Variants in SFXN5 observed in about 807,000 individuals in gnomAD.
The protein encoded by SFXN5 is sideroflexin-5.
A neutral mutation model predicts 50.2 loss-of-function variants in SFXN5; 43 were observed. The ratio of observed to expected loss-of-function variants is 0.86; its 90% CI spans 0.67 to 1.11. The LOEUF is 1.11. SFXN5 is among the 50% of genes least tolerant of loss of function. The pLI, the probability that SFXN5 is intolerant of heterozygous loss-of-function variation, is 0.00. For synonymous variants in SFXN5, 203 were observed against 185.8 expected (o/e 1.09, Z -0.75); for missense variants, 463 against 454.1 (o/e 1.02, Z -0.18).
At chr2:73,026,703 C>A (rs938821379) in intron 3 of SFXN5, among the ~76,000 whole-genome samples, 3 of 151,894 alleles carry the variant, frequency 2.0e-5, no homozygotes, top group African/African-American at 7.3e-5. Flanking sequence ...TGCCATACTT[C>A]TTATTATTTT....
At position 72,998,067 on chromosome 2, in the gene SFXN5, ATGT is replaced by A. The variant is rs1440236285; in HGVS notation, c.534+879_534+881del. The A allele has an allele frequency of 5.3e-5, 8 of 152,304 alleles. No individual in the cohort carries two copies. The East Asian group carries it at 1.5e-3, about 29-fold the overall frequency. 9.4% of individuals were successfully genotyped at this position (152,304 alleles called of 1,614,324 possible). On this transcript the variant is annotated intron_variant, in intron 9 of 13. Coordinates refer to ENST00000272433, the MANE Select transcript of SFXN5 (RefSeq NM_144579.3). ...TGCCCCACTGTGCTCAGCTATGTGA[ATGT>A]TGTTTGGTTTTCATTTTCTAATTTT... is the stretch of plus-strand genomic sequence containing the variant.
intron 12 of SFXN5, among the ~76,000 whole-genome samples, chr2:72,967,612 T>A (rs1401504267): frequency 6.6e-6 from 1 of 152,164 alleles, no homozygotes; most frequent in Non-Finnish European, 1.5e-5. Flanking sequence ...GAACCCCAGA[T>A]GGAGTAACCC....
At chr2:72,987,378 G>T (rs527830315) in intron 10 of SFXN5, among the ~76,000 whole-genome samples, 1 of 151,986 alleles carries the variant, frequency 6.6e-6, no homozygotes, top group Non-Finnish European at 1.5e-5. Flanking sequence ...AAAGTGCTGG[G>T]ATTACAGGCA....
intron 9 of SFXN5, chr2:72,996,876 A>G (rs1371533436): frequency 2.0e-5 from 3 of 152,218 alleles, no homozygotes; most frequent in Admixed American, 2.0e-4. Context: ...AGTCTCAAAA[A>G]AAGGAAGGGG....
intron 6 of SFXN5, among the ~76,000 whole-genome samples, chr2:73,003,531 C>A (rs1280223336): frequency 6.6e-6 from 1 of 152,146 alleles, no homozygotes. Context: ...TGTGCATGTG[C>A]CTTGCAGACA....
At chr2:73,011,603 G>C (rs552771180) in intron 6 of SFXN5, among the ~76,000 whole-genome samples, 1 of 152,278 alleles carries the variant, frequency 6.6e-6, no homozygotes, top group South Asian at 2.1e-4. Flanking sequence ...AATGGACAAA[G>C]AGTGTGAACA....
chr2:73,040,719 T>C, intron 3 of SFXN5, 135 bp downstream of exon 3: 1 of 616,956 alleles, frequency 1.6e-6, no homozygotes. Context: ...AAAGAGCTTT[T>C]AGTCCACAGG....
chr2:72,988,484 A>C, intron 9 of SFXN5, 136 bp from the exon 10 acceptor site: 4 of 741,466 alleles, frequency 5.4e-6, no homozygotes, highest in Non-Finnish European at 6.6e-6. Flanking sequence ...CACACCCCTA[A>C]TCCTCAGCGT....
At chr2:73,052,086 C>T (rs1345442824) in intron 2 of SFXN5, among the ~76,000 whole-genome samples, 2 of 152,054 alleles carry the variant, frequency 1.3e-5, no homozygotes, top group African/African-American at 2.4e-5. Flanking sequence ...CCCAATGCAG[C>T]CAGTGGATTT....
At chr2:73,040,413 C>G (rs909048678) in intron 3 of SFXN5, among the ~76,000 whole-genome samples, 2 of 152,186 alleles carry the variant, frequency 1.3e-5, no homozygotes, top group African/African-American at 4.8e-5. Flanking sequence ...TCCTTCCCAC[C>G]CTTAACCTGA....
At chr2:73,039,038 C>T (rs577817461) in intron 3 of SFXN5, among the ~76,000 whole-genome samples, 2 of 152,166 alleles carry the variant, frequency 1.3e-5, no homozygotes, top group Admixed American at 1.3e-4. Flanking sequence ...GTGATTCCCC[C>T]CTCCTCAGCC....
intron 3 of SFXN5, among the ~76,000 whole-genome samples, chr2:73,035,332 A>G (rs1678834885): frequency 6.6e-6 from 1 of 152,158 alleles, no homozygotes; most frequent in African/African-American, 2.4e-5. Flanking sequence ...GGCTGTGTCT[A>G]TGCTTACATT....
rs1254169377 is a variant in SFXN5 at position 73,001,549 on chromosome 2, T to C, written c.387A>G (p.Thr129=). The part of the protein sequence containing the change: ...IVVGLLLPNQ[T]LASTVFWQWL... ...CCTGCCAGAAGACAGTGGATGCCAG[T>C]GTCTGGTTGGGCAAGAGAAGACCGA... Residue 129 remains threonine, a synonymous_variant, in exon 7 of 14, where the codon ACA becomes ACG. Transcript: ENST00000272433. 13 of 1,613,986 alleles carry C rather than the reference T, an allele frequency of 8.1e-6. No homozygotes were observed. The highest frequency in any genetic ancestry group is 5.3e-5 in the African/African-American group (4 of 74,908).
chr2:73,007,551 G>A (rs1160323599), intron 6 of SFXN5, among the ~76,000 whole-genome samples: 3 of 152,016 alleles, frequency 2.0e-5, no homozygotes, highest in African/African-American at 4.8e-5. Context: ...CACCTCATCA[G>A]CAAAAAGCTG....
intron 10 of SFXN5, among the ~76,000 whole-genome samples, chr2:72,983,122 T>G (rs1574028786): frequency 6.6e-6 from 1 of 152,130 alleles, no homozygotes; most frequent in Non-Finnish European, 1.5e-5. Context: ...TGGCCACTCC[T>G]AGACGGAGGA....
intron 11 of SFXN5, among the ~76,000 whole-genome samples, chr2:72,969,933 A>C (rs568726651): frequency 6.6e-6 from 1 of 152,012 alleles, no homozygotes; most frequent in Admixed American, 6.5e-5. Flanking sequence ...GGCAATTCTG[A>C]GCTCCGACAG....
intron 3 of SFXN5, among the ~76,000 whole-genome samples, chr2:73,035,399 C>T (rs1678840557): frequency 6.6e-6 from 1 of 151,614 alleles, no homozygotes; most frequent in Non-Finnish European, 1.5e-5. Flanking sequence ...ATTACGGTTA[C>T]TAGCTCTTCA....
intron 2 of SFXN5, among the ~76,000 whole-genome samples, chr2:73,051,172 A>C (rs766430789): frequency 4.0e-5 from 6 of 151,064 alleles, no homozygotes; most frequent in Non-Finnish European, 8.8e-5. Flanking sequence ...AAAAGGAAGG[A>C]GGCTTTCCCA....
At chr2:73,047,945 AAATGGTCAAGAGTAAATAATT>A in intron 2 of SFXN5, among the ~76,000 whole-genome samples, 1 of 152,230 alleles carries the variant, frequency 6.6e-6, no homozygotes, top group African/African-American at 2.4e-5. Flanking sequence ...GAAACCACCC[AAATGGTCAAGAGTAAATAATT>A]AATAGAATAA....
Sources: allele counts gnomAD v4.1 joint callset (sites outside exome capture counted in the v4.1 genomes callset), GRCh38; gene constraint gnomAD v4.1.1; transcripts MANE v1.5; gene names NCBI Gene and HGNC (gene_info 2026-07-23, HGNC 2026-07-21).